The following ZNF148 variants were observed in gnomAD, a reference collection of about 807,000 sequenced individuals.
ZNF148 encodes zinc finger protein 148.
A neutral mutation model predicts 67.7 loss-of-function variants in ZNF148; 7 were observed. The observed-to-expected ratio is 0.10, with a 90% CI of 0.06 to 0.19. ZNF148 has a LOEUF of 0.19. ZNF148 is among the 10% of genes least tolerant of loss of function. The pLI, the probability that ZNF148 is intolerant of heterozygous loss-of-function variation, is 1.00. For missense variants in ZNF148, 583 were observed against 947.1 expected, an observed-to-expected ratio of 0.62 and a Z score of 5.05; for synonymous variants, 333 against 330.7, an observed-to-expected ratio of 1.01 and a Z score of -0.08.
chr3:125,305,448 T>C lies in ZNF148; in HGVS notation c.333+7860A>G, dbSNP rs1316309169. 2.0e-5 allele frequency among the ~76,000 whole-genome samples: 3 copies of C among 152,206 alleles called. No homozygotes were observed. In the East Asian group the frequency reaches 5.8e-4, roughly 29 times the overall value. On this transcript the variant is annotated intron_variant, in intron 4 of 8. Coordinates refer to ENST00000360647, the MANE Select transcript of ZNF148 (RefSeq NM_021964.3). ...CTTTTGGCTAACAAACTTTAACTGC[T>C]GGACTTTAGCAGCTCTCTCCCAGTA...
chr3:125,241,407 T>G (rs541335680), intron 7 of ZNF148, among the ~76,000 whole-genome samples: 1 of 151,858 alleles, frequency 6.6e-6, no homozygotes, highest in East Asian at 1.9e-4. Flanking sequence ...ACCTTCTGAG[T>G]AGCTGGGATT....
chr3:125,361,816 G>C (rs1008464156), intron 1 of ZNF148, among the ~76,000 whole-genome samples: 5 of 138,986 alleles, frequency 3.6e-5, no homozygotes, highest in African/African-American at 1.4e-4. Context: ...CTGGGTGACA[G>C]AGCGAGACCC....
chr3:125,359,326 G>A (rs1302097092), intron 1 of ZNF148, among the ~76,000 whole-genome samples: 1 of 152,200 alleles, frequency 6.6e-6, no homozygotes, highest in Non-Finnish European at 1.5e-5. Context: ...ACACTAGGAT[G>A]GAACACCAAT....
rs879683758 is a variant in ZNF148 at position 125,230,845 on chromosome 3, C to T, written c.*1496G>A. 2.0e-5 allele frequency: 3 copies of T among 152,016 alleles called. No homozygotes were observed. Among genetic ancestry groups the T allele is most frequent in the African/African-American group, 7.2e-5 (3 of 41,386 alleles). The allele number at this position is 152,016 out of a possible 1,614,324, so 9.4% of individuals were successfully genotyped here. ...AAATGTAAAAATGAAAAAGTTGTAA[C>T]AAAGAGTCAATAACTAATATAACTT... is the stretch of plus-strand genomic sequence containing the variant. On this transcript the variant is annotated 3_prime_UTR_variant, in exon 9 of 9. Transcript: ENST00000360647.
chr3:125,340,376 G>A (rs1023475446), intron 1 of ZNF148, among the ~76,000 whole-genome samples: 2 of 152,204 alleles, frequency 1.3e-5, no homozygotes, highest in African/African-American at 4.8e-5. Flanking sequence ...TAGAGACAGA[G>A]AGGCAAGTAG....
intron 1 of ZNF148, among the ~76,000 whole-genome samples, chr3:125,345,552 G>C (rs1304366599): frequency 6.7e-6 from 1 of 149,590 alleles, no homozygotes; most frequent in Non-Finnish European, 1.5e-5. Flanking sequence ...AATCAATTAA[G>C]CAAAAAATTT....
At chr3:125,314,666 T>C (rs182643449) in intron 3 of ZNF148, among the ~76,000 whole-genome samples, 300 of 152,338 alleles carry the variant, frequency 2.0e-3, no homozygotes, top group Non-Finnish European at 3.2e-3. Flanking sequence ...CTTTCTTCCC[T>C]GGTACCAGGT....
At chr3:125,313,234 C>T (rs190474539) in intron 4 of ZNF148, 74 bp downstream of exon 4, 4 of 1,238,248 alleles carry the variant, frequency 3.2e-6, no homozygotes, top group African/African-American at 1.5e-5. Context: ...TCTGAAATTT[C>T]TTCGATGACT....
intron 1 of ZNF148, among the ~76,000 whole-genome samples, chr3:125,351,380 C>CA (rs1158167448): frequency 0.029 from 1,487 of 51,202 alleles, 286 homozygotes; most frequent in African/African-American, 0.09. Context: ...CCTTGTTTCT[C>CA]AAAAAAAAAA....
chr3:125,319,371 G>A (rs1940670070), intron 3 of ZNF148, among the ~76,000 whole-genome samples: 2 of 152,098 alleles, frequency 1.3e-5, no homozygotes, highest in Non-Finnish European at 2.9e-5. Flanking sequence ...CCAAAACTCG[G>A]GGAACTGTCT....
rs1321073013 is a variant in ZNF148 at position 125,228,610 on chromosome 3, T to C, written c.*3731A>G. ...TGATTTGTTTGTACATATTTACAGATTCTTAAAAACAAGCTGTAAAAACAT... is the reference window on the plus strand; with the variant it reads ...TGATTTGTTTGTACATATTTACAGACTCTTAAAAACAAGCTGTAAAAACAT... On this transcript the variant is annotated 3_prime_UTR_variant, in exon 9 of 9. Coordinates refer to ENST00000360647, the MANE Select transcript of ZNF148 (RefSeq NM_021964.3). 2.6e-5 allele frequency: 4 copies of C among 152,566 alleles called. No homozygotes were observed. Among genetic ancestry groups the C allele is most frequent in the Admixed American group, 2.6e-4 (4 of 15,264 alleles). The allele number at this position is 152,566 out of a possible 1,614,324, so 9.5% of individuals were successfully genotyped here.
rs957522882 is a variant in ZNF148, at chr3:125,230,794, T to C, written c.*1547A>G. ...CACTGGTGCTATATCAGGATGTGCA[T>C]TGTGACAACGATGGCAGAAAATTTA... is the stretch of plus-strand genomic sequence containing the variant. On this transcript the variant is annotated 3_prime_UTR_variant, in exon 9 of 9. Transcript: ENST00000360647. 8.5e-5 allele frequency: 13 copies of C among 152,132 alleles called. No individual in the cohort carries two copies. The highest frequency in any genetic ancestry group is 2.4e-4 in the African/African-American group (10 of 41,430). The allele number at this position is 152,132 out of a possible 1,614,324, so 9.4% of individuals were successfully genotyped here. A position where few individuals can be genotyped will look rare whatever the true frequency, so the allele number is the denominator to read the frequency against.
chr3:125,370,561 A>G (rs973891053), intron 1 of ZNF148, among the ~76,000 whole-genome samples: 1 of 152,254 alleles, frequency 6.6e-6, no homozygotes, highest in Non-Finnish European at 1.5e-5. Flanking sequence ...ATTTAGCAAT[A>G]CATAAACTAC....
Position 125,225,888 on chromosome 3 carries a change from G to C in ZNF148, c.*6453C>G, listed in dbSNP as rs563660310. The stretch of plus-strand genomic sequence containing the variant: ...CCAGGGTCCTAGGACTGATCATTGC[G>C]AGGGCCAATTAGTTTAAATTTGTTC... On this transcript the variant is annotated 3_prime_UTR_variant, in exon 9 of 9. Transcript: ENST00000360647. The C allele has an allele frequency of 3.3e-5, 5 of 152,218 alleles. No homozygotes were observed. Among genetic ancestry groups the C allele is most frequent in the Admixed American group, 3.3e-4 (5 of 15,292 alleles). 9.4% of individuals were successfully genotyped at this position (152,218 alleles called of 1,614,324 possible).
At chr3:125,258,899 C>T (rs545572540) in intron 7 of ZNF148, among the ~76,000 whole-genome samples, 1 of 151,972 alleles carries the variant, frequency 6.6e-6, no homozygotes, top group African/African-American at 2.4e-5. Flanking sequence ...AACTGATATG[C>T]CAAATTTTTG....
rs1940865743 is a variant in ZNF148, at chr3:125,323,320, G to T, written c.-28C>A. The T allele has an allele frequency of 3.1e-6, 2 of 641,696 alleles. No homozygotes were observed. The highest frequency in any genetic ancestry group is 3.6e-5 in the South Asian group (2 of 56,318). 39.8% of individuals were successfully genotyped at this position (641,696 alleles called of 1,614,324 possible). ...AGTATTAAAATTACCCGAGACTAAG[G>T]TAAAAACGAAGACTTCAAGGAAAGG... On this transcript the variant is annotated 5_prime_UTR_variant, in exon 3 of 9. Coordinates refer to ENST00000360647, the MANE Select transcript of ZNF148 (RefSeq NM_021964.3).
chr3:125,315,355 A>G (rs555819826), intron 3 of ZNF148, among the ~76,000 whole-genome samples: 2 of 152,234 alleles, frequency 1.3e-5, no homozygotes, highest in South Asian at 4.1e-4. Flanking sequence ...ACAAATCACT[A>G]AAGAAAACTT....
chr3:125,304,275 C>G (rs1233840338), intron 4 of ZNF148, among the ~76,000 whole-genome samples: 2 of 152,064 alleles, frequency 1.3e-5, no homozygotes, highest in African/African-American at 4.8e-5. Context: ...TGCTGGAGCC[C>G]AAGCAGCATA....
In ZNF148 at chr3:125,277,739, C is replaced by T; in HGVS notation, c.654G>A (p.Glu218=). 6.2e-7 allele frequency: 1 copy of T among 1,611,858 alleles called. No individual in the cohort carries two copies. Among genetic ancestry groups the T allele is most frequent in the Non-Finnish European group, 8.5e-7 (1 of 1,179,190 alleles). ...FIQKYLLQRH[E]KIHTGEKPFR... is the part of the protein sequence containing the mutation. ...GTTAACACTCACCAGTATGAATCTT[C>T]TCATGTCTCTGAAGCAGGTACTTCT... Residue 218 remains glutamate (E), a synonymous_variant, in exon 7 of 9, where the codon GAG becomes GAA. Coordinates refer to ENST00000360647, the MANE Select transcript of ZNF148 (RefSeq NM_021964.3).
Sources: allele counts gnomAD v4.1 joint callset (sites outside exome capture counted in the v4.1 genomes callset), GRCh38; gene constraint gnomAD v4.1.1; transcripts MANE v1.5; gene names NCBI Gene and HGNC (gene_info 2026-07-23, HGNC 2026-07-21).